The following TRMT11 variants were observed in gnomAD, a reference collection of about 807,000 sequenced individuals.
The protein encoded by TRMT11 is tRNA methyltransferase 11.
A neutral mutation model predicts 62.8 loss-of-function variants in TRMT11; 53 were observed. The observed-to-expected ratio is 0.84, with a 90% CI of 0.68 to 1.06. The LOEUF is 1.06. Ranked by LOEUF, TRMT11 falls within the 50% of genes least tolerant of loss-of-function variation. The pLI is 0.00. For missense variants in TRMT11, 556 were observed against 553.4 expected (o/e 1.00, Z -0.05); for synonymous variants, 188 against 190.3 (o/e 0.99, Z 0.10).
At chr6:126,134,731 CAT>C (rs1777831772) in intron 21 of TRMT11, among the ~76,000 whole-genome samples, 1 of 151,768 alleles carries the variant, frequency 6.6e-6, no homozygotes, top group African/African-American at 2.4e-5. Flanking sequence ...CAGGACAGAC[CAT>C]ATGTTAGACC....
chr6:126,246,814 T>C, the TRMT11 span, among the ~76,000 whole-genome samples: 1 of 152,162 alleles, frequency 6.6e-6, no homozygotes, highest in East Asian at 1.9e-4. Flanking sequence ...AACTTAAAAG[T>C]ACCAAAGGTA....
chr6:126,045,061 G>A (rs1168511891), intron 16 of TRMT11, among the ~76,000 whole-genome samples: 1 of 151,870 alleles, frequency 6.6e-6, no homozygotes, highest in Non-Finnish European at 1.5e-5. Context: ...TATGGTGCAC[G>A]CCTATAATCC....
At chr6:126,161,941 G>A (rs1778195780) in intron 21 of TRMT11, among the ~76,000 whole-genome samples, 1 of 147,768 alleles carries the variant, frequency 6.8e-6, no homozygotes, top group Non-Finnish European at 1.5e-5. Context: ...ATCAAAAGTG[G>A]ATATCCATCT....
At chr6:126,176,026 G>T (rs996029898), upstream of TRMT11, among the ~76,000 whole-genome samples, 1 of 152,150 alleles carries the variant, frequency 6.6e-6, no homozygotes, top group Non-Finnish European at 1.5e-5. Flanking sequence ...TTCAGTTTTG[G>T]TTAGGAAATA....
intron 1 of TRMT11, 64 bp downstream of exon 1, chr6:125,986,686 T>G: frequency 6.8e-7 from 1 of 1,467,904 alleles, no homozygotes; most frequent in Non-Finnish European, 9.3e-7. Context: ...GTGGAGTGGG[T>G]GGAGGTGATC....
chr6:126,127,574 C>T (rs998755437), intron 21 of TRMT11, among the ~76,000 whole-genome samples: 6 of 151,578 alleles, frequency 4.0e-5, no homozygotes, highest in African/African-American at 1.5e-4. Context: ...TACATATGTA[C>T]ACATGTACCA....
At chr6:126,140,109 G>A (rs538613065) in intron 21 of TRMT11, among the ~76,000 whole-genome samples, 3 of 151,948 alleles carry the variant, frequency 2.0e-5, no homozygotes, top group African/African-American at 7.2e-5. Flanking sequence ...GATTAAAAAT[G>A]AGGTATTAAA....
chr6:126,105,072 TA>T (rs112654059), intron 17 of TRMT11, among the ~76,000 whole-genome samples: 3 of 152,204 alleles, frequency 2.0e-5, no homozygotes, highest in South Asian at 4.1e-4. Flanking sequence ...TAATTTATTT[TA>T]AAAAAGATAT....
intron 12 of TRMT11, among the ~76,000 whole-genome samples, chr6:126,034,106 T>C (rs753984333): frequency 7.9e-5 from 12 of 152,066 alleles, no homozygotes; most frequent in Admixed American, 3.9e-4. Flanking sequence ...TCTTTAGCCA[T>C]TGTTTTGATG....
chr6:126,075,202 A>G (rs1343544297), intron 17 of TRMT11, among the ~76,000 whole-genome samples: 1 of 152,150 alleles, frequency 6.6e-6, no homozygotes, highest in Non-Finnish European at 1.5e-5. Flanking sequence ...TTATTAAAGG[A>G]AAGTGTCAAT....
chr6:126,261,041 C>T, the TRMT11 span, among the ~76,000 whole-genome samples: 1 of 152,128 alleles, frequency 6.6e-6, no homozygotes, highest in African/African-American at 2.4e-5. Flanking sequence ...TATTTCTTCT[C>T]CCTCTAAAAC....
intron 1 of TRMT11, among the ~76,000 whole-genome samples, chr6:126,181,665 T>C (rs908639748): frequency 3.9e-5 from 6 of 152,158 alleles, no homozygotes; most frequent in African/African-American, 1.2e-4. Flanking sequence ...GTGATTATGA[T>C]AGTTAATAGA....
intron 17 of TRMT11, among the ~76,000 whole-genome samples, chr6:126,063,052 T>C (rs1343731153): frequency 6.6e-6 from 1 of 152,226 alleles, no homozygotes; most frequent in Non-Finnish European, 1.5e-5. Context: ...ATAAAGGGTA[T>C]ATATCATGTG....
chr6:125,986,894 T>G, intron 1 of TRMT11: 1 of 468,884 alleles, frequency 2.1e-6, no homozygotes, highest in Non-Finnish European at 3.8e-6. Flanking sequence ...ATATGACCGG[T>G]CATCTCACTC....
At chr6:126,226,358 C>A in the TRMT11 span, among the ~76,000 whole-genome samples, 2 of 152,088 alleles carry the variant, frequency 1.3e-5, no homozygotes, top group African/African-American at 4.8e-5. Context: ...GCTGTATAGA[C>A]CTTGCCAATC....
intron 16 of TRMT11, among the ~76,000 whole-genome samples, chr6:126,049,645 A>T (rs912996953): frequency 2.0e-5 from 3 of 152,164 alleles, no homozygotes; most frequent in Admixed American, 2.0e-4. Context: ...GGGTGATGAG[A>T]CCTACACATA....
intron 21 of TRMT11, among the ~76,000 whole-genome samples, chr6:126,163,621 G>A (rs1189928135): frequency 6.6e-6 from 1 of 152,198 alleles, no homozygotes; most frequent in Non-Finnish European, 1.5e-5. Context: ...AGTTTCGTAA[G>A]GAATGGTACC....
intron 17 of TRMT11, among the ~76,000 whole-genome samples, chr6:126,063,053 A>T (rs1240546492): frequency 3.3e-5 from 5 of 152,252 alleles, no homozygotes; most frequent in Non-Finnish European, 7.3e-5. Flanking sequence ...TAAAGGGTAT[A>T]TATCATGTGA....
the TRMT11 span, among the ~76,000 whole-genome samples, chr6:126,228,844 C>T: frequency 3.3e-5 from 5 of 152,126 alleles, no homozygotes; most frequent in Admixed American, 2.0e-4. Context: ...TTGGGTTTGC[C>T]GTAGTTACTG....
Sources: gnomAD v4.1 joint callset for allele counts (sites outside exome capture counted in the v4.1 genomes callset) on GRCh38, gnomAD v4.1.1 for gene constraint, MANE v1.5 for transcripts, NCBI Gene and HGNC (gene_info 2026-07-23, HGNC 2026-07-21) for gene names.